Variants in CHID1 observed in about 807,000 individuals in gnomAD.
CHID1 encodes chitinase domain-containing protein 1.
In CHID1, 44 loss-of-function variants were observed where a neutral mutation model predicts 55.4. The ratio of observed to expected loss-of-function variants is 0.79; its 90% CI spans 0.62 to 1.02. The LOEUF (loss-of-function observed/expected upper bound fraction) is 1.02, where lower values mean the gene tolerates loss of function less well. Among genes scored for constraint, CHID1 ranks in the 50% least tolerant of loss-of-function variants. CHID1 has a pLI of 0.00. For missense variants in CHID1, 491 were observed against 515.3 expected (o/e 0.95, Z 0.46); for synonymous variants, 216 against 212.9 (o/e 1.01, Z -0.13).
At chr11:889,799 G>T (rs1850666462) in intron 8 of CHID1, among the ~76,000 whole-genome samples, 1 of 152,182 alleles carries the variant, frequency 6.6e-6, no homozygotes, top group South Asian at 2.1e-4. Flanking sequence ...CCTAACAGAT[G>T]CTGGCATCAC....
intron 8 of CHID1, among the ~76,000 whole-genome samples, chr11:885,018 A>G (rs946488400): frequency 1.3e-5 from 2 of 152,208 alleles, no homozygotes; most frequent in African/African-American, 4.8e-5. Context: ...GGAGCAGTAC[A>G]TGAAGGTCAA....
intron 10 of CHID1, among the ~76,000 whole-genome samples, chr11:876,928 C>T (rs1440571337): frequency 6.6e-6 from 1 of 152,194 alleles, no homozygotes; most frequent in Non-Finnish European, 1.5e-5. Context: ...CTATGGCCTG[C>T]TCCCCTCCAG....
At position 902,968 on chromosome 11, in the gene CHID1, G is replaced by C; in HGVS notation, c.255C>G (p.Val85=). The change falls in exon 3 of 13, where the codon GTC becomes GTG. Residue 85 remains valine (V), a synonymous_variant. Coordinates refer to ENST00000323578, the MANE Select transcript of CHID1 (RefSeq NM_023947.4). ...RHFAGDVLGY[V]TPWNSHGYDV... ...TGTGAGGGCCCCAACTTACTGGAGTGACATAGCCCAGTACATCCCCAGCAA... is the reference window on the plus strand; with the variant it reads ...TGTGAGGGCCCCAACTTACTGGAGTCACATAGCCCAGTACATCCCCAGCAA... 6.2e-7 allele frequency: 1 copy of C among 1,613,726 alleles called. No homozygotes were observed. The highest frequency in any genetic ancestry group is 2.2e-5 in the East Asian group (1 of 44,876).
chr11:902,460 C>T, intron 3 of CHID1, 130 bp from the exon 4 acceptor site: 1 of 988,762 alleles, frequency 1.0e-6, no homozygotes, highest in Non-Finnish European at 1.5e-6. Flanking sequence ...CCCGGACTGA[C>T]ATCAGCTCCT....
At chr11:885,564 T>A (rs12574858) in intron 8 of CHID1, among the ~76,000 whole-genome samples, 7 of 151,780 alleles carry the variant, frequency 4.6e-5, no homozygotes, top group Non-Finnish European at 8.8e-5. Flanking sequence ...CCCAGCACTA[T>A]GCCCATCACT....
chr11:910,732 C>T, intron 1 of CHID1, 43 bp downstream of exon 1: 2 of 1,234,968 alleles, frequency 1.6e-6, no homozygotes, highest in Non-Finnish European at 2.1e-6. Flanking sequence ...AAACTGAGGC[C>T]GTGCAAGGAG....
chr11:901,007 C>T, intron 4 of CHID1, 27 bp from the exon 5 acceptor site: 1 of 1,582,514 alleles, frequency 6.3e-7, no homozygotes, highest in Non-Finnish European at 8.6e-7. Context: ...GGACAGTCAA[C>T]ACAGGCACGT....
At chr11:883,069 C>A in intron 10 of CHID1, 79 bp downstream of exon 10, 1 of 1,445,246 alleles carries the variant, frequency 6.9e-7, no homozygotes. Flanking sequence ...AGACCCTCCC[C>A]ATCACTCTGT....
chr11:895,729 G>A (rs769346063), intron 7 of CHID1, among the ~76,000 whole-genome samples: 12 of 152,260 alleles, frequency 7.9e-5, no homozygotes, highest in African/African-American at 1.4e-4. Flanking sequence ...GCCCAGTCTC[G>A]GGCCTGGCAC....
At chr11:904,004 T>G (rs1413517589) in intron 2 of CHID1, among the ~76,000 whole-genome samples, 1 of 152,130 alleles carries the variant, frequency 6.6e-6, no homozygotes, top group African/African-American at 2.4e-5. Context: ...AGTCTTTTCC[T>G]GCCATGTCAC....
chr11:893,760 A>G (rs1039758239), intron 7 of CHID1, among the ~76,000 whole-genome samples: 1 of 152,076 alleles, frequency 6.6e-6, no homozygotes, highest in Non-Finnish European at 1.5e-5. Context: ...AGGAATCCCC[A>G]GAAAGAGGGG....
intron 10 of CHID1, among the ~76,000 whole-genome samples, chr11:878,315 G>A (rs1166743996): frequency 7.2e-5 from 11 of 152,218 alleles, no homozygotes. Flanking sequence ...TCGGGAGGCT[G>A]AGGCAGGACA....
At chr11:883,449 G>T in intron 9 of CHID1, 146 bp from the exon 10 acceptor site, 1 of 860,738 alleles carries the variant, frequency 1.2e-6, no homozygotes, top group Non-Finnish European at 1.8e-6. Flanking sequence ...TCACCCATCA[G>T]AAAGGGCTGT....
intron 10 of CHID1, chr11:874,958 G>A (rs1422462428): frequency 3.3e-5 from 5 of 152,318 alleles, no homozygotes; most frequent in Non-Finnish European, 7.3e-5. Context: ...AGGAGTGTGT[G>A]TCGAGAGAAG....
At position 910,730 on chromosome 11, in the gene CHID1, G is replaced by T. The variant is rs1187498565; in HGVS notation, c.-44+45C>A. ...CCCACTTTGCGGGAGGGAAACTGAG[G>T]CCGTGCAAGGAGGAGGAGCAGGGGC... On this transcript the variant is annotated intron_variant, in intron 1 of 12. Transcript: ENST00000323578. The T allele has an allele frequency of 3.2e-6, 4 of 1,243,866 alleles. No individual in the cohort carries two copies. The African/African-American group carries it at 6.5e-5, about 20-fold the overall frequency. The allele number at this position is 1,243,866 out of a possible 1,614,324, so 77.1% of individuals were successfully genotyped here.
chr11:880,760 G>C (rs1849857269), intron 10 of CHID1, among the ~76,000 whole-genome samples: 1 of 152,210 alleles, frequency 6.6e-6, no homozygotes, highest in African/African-American at 2.4e-5. Flanking sequence ...AGGCCTGTGG[G>C]GGACCTGCAA....
chr11:885,076 C>A (rs1392401018), intron 8 of CHID1, among the ~76,000 whole-genome samples: 2 of 152,248 alleles, frequency 1.3e-5, no homozygotes, highest in Non-Finnish European at 2.9e-5. Context: ...AGGACAACAG[C>A]ATGGGGGACG....
intron 8 of CHID1, among the ~76,000 whole-genome samples, chr11:888,187 G>C (rs935200578): frequency 8.5e-5 from 13 of 152,242 alleles, no homozygotes; most frequent in African/African-American, 3.1e-4. Context: ...CGCAGGCTAA[G>C]AACGGTCCTC....
Position 870,181 on chromosome 11 carries a change from T to C in CHID1, c.1041-18A>G. 1.9e-6 allele frequency: 3 copies of C among 1,613,124 alleles called. No individual in the cohort carries two copies. Among genetic ancestry groups the C allele is most frequent in the Non-Finnish European group, 2.5e-6 (3 of 1,179,954 alleles). The stretch of plus-strand genomic sequence containing the variant: ...TGCGGCTCCTGCAAGACAAAGGGAC[T>C]GTCAGCCCATCCGCTCTGCTGGTTC... On this transcript the variant is annotated intron_variant, in intron 11 of 12. Coordinates refer to ENST00000323578, the MANE Select transcript of CHID1 (RefSeq NM_023947.4).
Sources: allele counts gnomAD v4.1 joint callset (sites outside exome capture counted in the v4.1 genomes callset), GRCh38; gene constraint gnomAD v4.1.1; transcripts MANE v1.5; gene names NCBI Gene and HGNC (gene_info 2026-07-23, HGNC 2026-07-21).